Variants in ASIC1 observed in about 807,000 individuals in gnomAD.
ASIC1 encodes acid sensing ion channel subunit 1, also known as acid-sensing ion channel 1.
ASIC1 carries 21 observed loss-of-function variants against 63.4 expected under a neutral mutation model. That is an observed-to-expected ratio of 0.33 (90% CI 0.23 to 0.48). ASIC1 has a LOEUF of 0.48. ASIC1 is among the 20% of genes least tolerant of loss of function. The pLI is 0.99. For missense variants in ASIC1, 478 were observed against 695.5 expected (o/e 0.69, Z 3.52); for synonymous variants, 258 against 278.2 (o/e 0.93, Z 0.72).
intron 3 of ASIC1, among the ~76,000 whole-genome samples, chr12:50,061,513 A>C (rs1950500691): frequency 6.6e-6 from 1 of 152,190 alleles, no homozygotes; most frequent in African/African-American, 2.4e-5. Context: ...TGATGCTCCC[A>C]AGAGTAACAG....
chr12:50,064,715 G>A (rs1950530748), intron 3 of ASIC1, among the ~76,000 whole-genome samples: 1 of 152,160 alleles, frequency 6.6e-6, no homozygotes, highest in South Asian at 2.1e-4. Flanking sequence ...AGAGAGGCTT[G>A]GAATGTTCTG....
At chr12:50,079,290 T>G (rs1044285065) in intron 7 of ASIC1, among the ~76,000 whole-genome samples, 14 of 152,142 alleles carry the variant, frequency 9.2e-5, no homozygotes, top group African/African-American at 3.4e-4. Flanking sequence ...GGCATGTGCC[T>G]CTAGTCCCAG....
intron 3 of ASIC1, chr12:50,073,811 C>T: frequency 6.5e-7 from 1 of 1,533,548 alleles, no homozygotes; most frequent in South Asian, 1.2e-5. Context: ...CTCCATGGCA[C>T]CAACCACATT....
intron 3 of ASIC1, among the ~76,000 whole-genome samples, chr12:50,062,168 G>A (rs960101958): frequency 1.4e-4 from 21 of 152,182 alleles, no homozygotes; most frequent in African/African-American, 5.1e-4. Flanking sequence ...CGTCTGGCTG[G>A]AGTCCATGTC....
intron 3 of ASIC1, among the ~76,000 whole-genome samples, chr12:50,063,456 G>C (rs552949923): frequency 3.3e-5 from 5 of 152,338 alleles, no homozygotes; most frequent in African/African-American, 1.2e-4. Flanking sequence ...TCATTTCTGG[G>C]GCCTGGAAGA....
intron 9 of ASIC1, 137 bp from the exon 10 acceptor site, chr12:50,080,965 A>AATCTGG: frequency 1.1e-6 from 1 of 884,002 alleles, no homozygotes; most frequent in Non-Finnish European, 1.7e-6. Flanking sequence ...ATTCCACCTG[A>AATCTGG]ATCTGGCTTT....
At chr12:50,075,620 G>A (rs117183337) in intron 3 of ASIC1, among the ~76,000 whole-genome samples, 4 of 152,324 alleles carry the variant, frequency 2.6e-5, no homozygotes, top group East Asian at 1.9e-4. Context: ...CTCTTCTGGA[G>A]GTCAATGGAG....
intron 3 of ASIC1, chr12:50,076,694 G>A: frequency 4.2e-6 from 1 of 236,616 alleles, no homozygotes; most frequent in South Asian, 5.2e-5. Context: ...TTTAACAAAG[G>A]GACTGCTGAC....
chr12:50,080,433 C>A, intron 8 of ASIC1, 65 bp from the exon 9 acceptor site: 1 of 1,509,592 alleles, frequency 6.6e-7, no homozygotes, highest in Non-Finnish European at 9.1e-7. Context: ...TTGCCAAGGT[C>A]ACCTGGTTAG....
intron 3 of ASIC1, among the ~76,000 whole-genome samples, chr12:50,063,338 G>A (rs1950517709): frequency 6.6e-6 from 1 of 152,224 alleles, no homozygotes; most frequent in South Asian, 2.1e-4. Flanking sequence ...AGAATGCTGA[G>A]CAGCAGCAAG....
chr12:50,081,423 C>G, intron 11 of ASIC1, 59 bp downstream of exon 11: 1 of 1,491,646 alleles, frequency 6.7e-7, no homozygotes, highest in Non-Finnish European at 9.1e-7. Flanking sequence ...CCCCAGGAAC[C>G]CCGTCCACCC....
Position 50,081,679 on chromosome 12 carries a change from G to A in ASIC1, c.*30G>A, listed in dbSNP as rs746852528. On this transcript the variant is annotated 3_prime_UTR_variant, in exon 12 of 12. Transcript: ENST00000447966. The stretch of plus-strand genomic sequence containing the variant: ...CGCAGGCCGCTGAACCAAAGGCCTA[G>A]ATGGGGAGGACTAGGAGAGCGAGGG... 1.7e-5 allele frequency: 27 copies of A among 1,605,634 alleles called. No individual in the cohort carries two copies. Among genetic ancestry groups the A allele is most frequent in the Non-Finnish European group, 2.2e-5 (26 of 1,175,020 alleles).
intron 3 of ASIC1, among the ~76,000 whole-genome samples, chr12:50,060,251 C>T (rs189937277): frequency 6.6e-6 from 1 of 152,226 alleles, no homozygotes; most frequent in African/African-American, 2.4e-5. Context: ...ACCCACCAAG[C>T]TTACCTTCTA....
rs1002145018 is a variant in ASIC1 at position 50,074,949 on chromosome 12, C to T, written c.559-2264C>T. Among the ~76,000 whole-genome samples the T allele has an allele frequency of 5.1e-4, 77 of 151,526 alleles. No individual in the cohort carries two copies. The highest frequency in any genetic ancestry group is 1.8e-3 in the African/African-American group (73 of 41,154). On this transcript the variant is annotated intron_variant, in intron 3 of 11. Transcript: ENST00000447966. This position sits in a 1 kb window ranked among gnomAD's most constrained non-coding sequence, Gnocchi z 4.2. ...GGTCTCTAAATCATATCCCTCTCCC[C>T]AGCTTTAAGTGGCCAGGGACCCTCT...
At chr12:50,080,422 C>T in intron 8 of ASIC1, 76 bp from the exon 9 acceptor site, 2 of 1,428,126 alleles carry the variant, frequency 1.4e-6, no homozygotes, top group South Asian at 1.2e-5. Flanking sequence ...GAGAGGCTGC[C>T]TTGCCAAGGT....
chr12:50,065,723 G>A (rs973361944), intron 3 of ASIC1, among the ~76,000 whole-genome samples: 1 of 152,270 alleles, frequency 6.6e-6, no homozygotes, highest in Non-Finnish European at 1.5e-5. Flanking sequence ...GATCCCATGA[G>A]TTCTTGGATA....
At chr12:50,063,923 T>A (rs983953793) in intron 3 of ASIC1, among the ~76,000 whole-genome samples, 1 of 152,056 alleles carries the variant, frequency 6.6e-6, no homozygotes, top group Non-Finnish European at 1.5e-5. Flanking sequence ...CAGAAGTCCC[T>A]TGGGAGGGCC....
chr12:50,061,242 G>A (rs1950498148), intron 3 of ASIC1, among the ~76,000 whole-genome samples: 1 of 152,184 alleles, frequency 6.6e-6, no homozygotes, highest in Non-Finnish European at 1.5e-5. Context: ...TGTGCAGAAA[G>A]GATGGCACCA....
intron 3 of ASIC1, among the ~76,000 whole-genome samples, chr12:50,075,183 C>G (rs1055007548): frequency 3.3e-5 from 5 of 152,172 alleles, no homozygotes; most frequent in Non-Finnish European, 7.4e-5. Flanking sequence ...CAGTCCTCCA[C>G]CCCCTCCCTA....
Sources: gnomAD v4.1 joint callset for allele counts (sites outside exome capture counted in the v4.1 genomes callset) on GRCh38, gnomAD v4.1.1 for gene constraint, Gnocchi (gnomAD v3.1) non-coding constraint, MANE v1.5 for transcripts, NCBI Gene and HGNC (gene_info 2026-07-23, HGNC 2026-07-21) for gene names.